The following SLC38A9 variants were observed in gnomAD, a reference collection of about 807,000 sequenced individuals.
The protein encoded by SLC38A9 is neutral amino acid transporter 9.
In SLC38A9, 48 loss-of-function variants were observed where a neutral mutation model predicts 62.3. The observed-to-expected ratio is 0.77, with a 90% CI of 0.61 to 0.98. The LOEUF is 0.98. Ranked by LOEUF, SLC38A9 falls within the 50% of genes least tolerant of loss-of-function variation. SLC38A9 has a pLI of 0.00. For synonymous variants in SLC38A9, 204 were observed against 227.7 expected (o/e 0.90, Z 0.94); for missense variants, 541 against 679.8 (o/e 0.80, Z 2.27).
rs183145648 is a variant in SLC38A9, at chr5:55,698,070, C to A, written c.-34-78G>T. The A allele has an allele frequency of 8.6e-5, 50 of 578,268 alleles. No individual in the cohort carries two copies. The African/African-American group carries it at 8.7e-4, about 10-fold the overall frequency. 35.8% of individuals were successfully genotyped at this position (578,268 alleles called of 1,614,324 possible). ...ATCACTAATAAATATTCATGAATAA[C>A]AAATTGGAAAAATACTGGAATTTGC... On this transcript the variant is annotated intron_variant, in intron 2 of 15. Transcript: ENST00000396865.
intron 8 of SLC38A9, among the ~76,000 whole-genome samples, chr5:55,660,219 T>C (rs1749273026): frequency 6.6e-6 from 1 of 151,946 alleles, no homozygotes; most frequent in African/African-American, 2.4e-5. Context: ...AAGACCAGCC[T>C]GGGCAACATG....
intron 12 of SLC38A9, among the ~76,000 whole-genome samples, chr5:55,643,382 T>C (rs561171048): frequency 6.7e-4 from 102 of 152,344 alleles, no homozygotes; most frequent in Non-Finnish European, 1.3e-3. Context: ...CACTCCATTA[T>C]GGTTAGAGAA....
chr5:55,699,291 A>C (rs1756338594), intron 2 of SLC38A9, among the ~76,000 whole-genome samples: 1 of 152,212 alleles, frequency 6.6e-6, no homozygotes, highest in Non-Finnish European at 1.5e-5. Flanking sequence ...ACTACTGACC[A>C]CATCATGTGT....
intron 9 of SLC38A9, among the ~76,000 whole-genome samples, chr5:55,653,112 A>G (rs2408028): frequency 0.6 from 90,392 of 151,896 alleles, 27,571 homozygotes; most frequent in South Asian, 0.7. Flanking sequence ...AACTACAGGC[A>G]CACATCACCA....
At chr5:55,659,382 T>G (rs1432883149) in intron 8 of SLC38A9, among the ~76,000 whole-genome samples, 2 of 145,288 alleles carry the variant, frequency 1.4e-5, no homozygotes, top group African/African-American at 5.1e-5. Flanking sequence ...GGAAAGGTTT[T>G]TTTTTTTATT....
At chr5:55,672,442 A>C (rs1441491153) in intron 4 of SLC38A9, 121 bp downstream of exon 4, 4 of 1,109,146 alleles carry the variant, frequency 3.6e-6, no homozygotes, top group Non-Finnish European at 5.2e-6. Context: ...TTGACTTTGC[A>C]TGATGCTGTC....
chr5:55,656,757 T>A lies in SLC38A9; in HGVS notation c.715A>T (p.Asn239Tyr). 6.4e-7 allele frequency: 1 copy of A among 1,572,974 alleles called. No individual in the cohort carries two copies. The highest frequency in any genetic ancestry group is 1.4e-5 in the African/African-American group (1 of 73,586). ...GTACTCAGTATAGTGTCTGTGTCATTAATGTGATGAATAAAATCTAAAAAT... is the reference window on the plus strand; with the variant it reads ...GTACTCAGTATAGTGTCTGTGTCATAAATGTGATGAATAAAATCTAAAAAT... ...KFIFNFIHHINDTDTILSTNN... is the reference protein window; with the variant it reads ...KFIFNFIHHIYDTDTILSTNN... Residue 239 changes from asparagine (N) to tyrosine (Y), a missense_variant, in exon 9 of 16, where the codon AAT becomes TAT. By Grantham distance (143) the Asn-to-Tyr change is moderately radical. Transcript: ENST00000396865.
intron 11 of SLC38A9, 51 bp from the exon 12 acceptor site, chr5:55,645,946 G>A: frequency 8.1e-7 from 1 of 1,238,280 alleles, no homozygotes; most frequent in Non-Finnish European, 1.2e-6. Context: ...TAGAAAATGA[G>A]TATTGGTAGC....
At chr5:55,682,014 A>G (rs1283730953) in intron 3 of SLC38A9, among the ~76,000 whole-genome samples, 1 of 151,696 alleles carries the variant, frequency 6.6e-6, no homozygotes, top group African/African-American at 2.4e-5. Context: ...CTCTTGTCCT[A>G]GACCATCTTA....
intron 6 of SLC38A9, 54 bp from the exon 7 acceptor site, chr5:55,669,375 C>A: frequency 6.9e-7 from 1 of 1,459,136 alleles, no homozygotes; most frequent in Non-Finnish European, 9.5e-7. Flanking sequence ...AGCATAAATT[C>A]ATATGCAATT....
chr5:55,688,175 T>A (rs557179184), intron 3 of SLC38A9, among the ~76,000 whole-genome samples: 18 of 152,272 alleles, frequency 1.2e-4, no homozygotes, highest in African/African-American at 4.3e-4. Context: ...GATACAGTTT[T>A]TTAGATATAG....
chr5:55,644,492 C>G (rs368626387), intron 12 of SLC38A9, among the ~76,000 whole-genome samples: 94 of 152,138 alleles, frequency 6.2e-4, no homozygotes, highest in African/African-American at 2.2e-3. Flanking sequence ...GTGGCTATCT[C>G]GGCTCACTGC....
intron 3 of SLC38A9, among the ~76,000 whole-genome samples, chr5:55,689,744 C>T (rs914095862): frequency 6.6e-6 from 1 of 152,148 alleles, no homozygotes; most frequent in African/African-American, 2.4e-5. Flanking sequence ...CAACTTACAG[C>T]AGTTCAACTT....
In SLC38A9 at chr5:55,699,459, C is replaced by T. The variant is rs180795413; in HGVS notation, c.-34-1467G>A. The stretch of plus-strand genomic sequence containing the variant: ...CTTTCCTGTAAAGATACACCTTCAT[C>T]GCAGGCCTCAAAGAAGTCCTGCTAA... On this transcript the variant is annotated intron_variant, in intron 2 of 15. Transcript: ENST00000396865. Among the ~76,000 whole-genome samples, 13 of 152,200 alleles carry T rather than the reference C, an allele frequency of 8.5e-5. No individual in the cohort carries two copies. In the East Asian group the frequency reaches 1.4e-3, roughly 16 times the overall value.
rs753201659 is a variant in SLC38A9, at chr5:55,649,241, A to G, written c.1026T>C (p.Phe342=). The G allele has an allele frequency of 1.9e-6, 3 of 1,609,076 alleles. No homozygotes were observed. The African/African-American group carries it at 4.0e-5, about 22-fold the overall frequency. The stretch of plus-strand genomic sequence containing the variant: ...AAAATTCTGTTGGTATAAACCAATG[A>G]AATTCCAAATGAAATCCCAAGCGAA... ...KAVRLGFHLE[F]HWFIPTEFFV... is the part of the protein sequence containing the mutation. The change falls in exon 11 of 16, where the codon TTT becomes TTC. Residue 342 remains phenylalanine, a synonymous_variant. Transcript: ENST00000396865.
intron 2 of SLC38A9, among the ~76,000 whole-genome samples, chr5:55,705,468 A>G (rs13159810): frequency 4.8e-5 from 7 of 146,064 alleles, no homozygotes; most frequent in African/African-American, 1.7e-4. Context: ...AAGAAAGAAA[A>G]AGAAAGAAAT....
At chr5:55,675,989 G>C (rs1337250946) in intron 3 of SLC38A9, among the ~76,000 whole-genome samples, 1 of 152,082 alleles carries the variant, frequency 6.6e-6, no homozygotes. Context: ...TCAGTATTTA[G>C]GGATATACAG....
chr5:55,632,854 T>A (rs143864481), intron 14 of SLC38A9, among the ~76,000 whole-genome samples: 20 of 152,334 alleles, frequency 1.3e-4, no homozygotes, highest in Admixed American at 2.6e-4. Flanking sequence ...GGGGCCTTGC[T>A]GGAGTTCCCC....
At chr5:55,700,690 T>A (rs1580430420) in intron 2 of SLC38A9, among the ~76,000 whole-genome samples, 1 of 152,248 alleles carries the variant, frequency 6.6e-6, no homozygotes, top group African/African-American at 2.4e-5. Flanking sequence ...TTCCTATCAC[T>A]ATACAGAAGC....
Sources: allele counts gnomAD v4.1 joint callset (sites outside exome capture counted in the v4.1 genomes callset), GRCh38; gene constraint gnomAD v4.1.1; transcripts MANE v1.5; gene names NCBI Gene and HGNC (gene_info 2026-07-23, HGNC 2026-07-21).